Variants in MACROD2 observed in about 807,000 individuals in gnomAD.
The protein encoded by MACROD2 is ADP-ribose glycohydrolase MACROD2.
A neutral mutation model predicts 70.4 loss-of-function variants in MACROD2; 36 were observed. The observed-to-expected ratio is 0.51, with a 90% CI of 0.39 to 0.68. The LOEUF (loss-of-function observed/expected upper bound fraction) is 0.68, where lower values mean the gene tolerates loss of function less well. MACROD2 is among the 30% of genes least tolerant of loss of function. The pLI, the probability that MACROD2 is intolerant of heterozygous loss-of-function variation, is 0.00. For synonymous variants in MACROD2, 172 were observed against 178.8 expected, an observed-to-expected ratio of 0.96 and a Z score of 0.30; for missense variants, 496 against 538.4, an observed-to-expected ratio of 0.92 and a Z score of 0.78.
chr20:14,777,046 C>A (rs181183851), intron 5 of MACROD2, among the ~76,000 whole-genome samples: 2 of 152,072 alleles, frequency 1.3e-5, no homozygotes, highest in Non-Finnish European at 2.9e-5. Flanking sequence ...GACTATACCA[C>A]AATTTATCCA....
Position 14,059,750 on chromosome 20 carries a change from A to G in MACROD2, c.164-25871A>G, listed in dbSNP as rs191436216. On this transcript the variant is annotated intron_variant, in intron 2 of 17. Coordinates refer to ENST00000684519, the MANE Select transcript of MACROD2 (RefSeq NM_001351661.2). ...GAACGAAACAGGATTTTTGCTTTCA[A>G]AGTATTTACATTTTACGCAGAACAG... is the stretch of plus-strand genomic sequence containing the variant. 2.6e-5 allele frequency among the ~76,000 whole-genome samples: 4 copies of G among 152,304 alleles called. No individual in the cohort carries two copies. In the East Asian group the frequency reaches 7.7e-4, roughly 29 times the overall value.
chr20:14,077,579 T>G (rs996368694), intron 2 of MACROD2, among the ~76,000 whole-genome samples: 9 of 152,192 alleles, frequency 5.9e-5, no homozygotes, highest in Non-Finnish European at 1.5e-5. Flanking sequence ...AAGGACTTTT[T>G]TTTACTGTTG....
chr20:14,557,596 T>A (rs62202888), intron 4 of MACROD2, among the ~76,000 whole-genome samples: 27,707 of 151,810 alleles, frequency 0.18, 3,304 homozygotes, highest in Non-Finnish European at 0.26. Context: ...TATAAGTTAT[T>A]CAAATTGCTA....
At chr20:14,484,244 G>C (rs1290699645) in intron 3 of MACROD2, among the ~76,000 whole-genome samples, 2 of 151,926 alleles carry the variant, frequency 1.3e-5, no homozygotes, top group East Asian at 3.9e-4. Flanking sequence ...AATTTTAAAA[G>C]TACATATGTC....
At chr20:14,543,921 G>A (rs540318481) in intron 4 of MACROD2, among the ~76,000 whole-genome samples, 19 of 152,160 alleles carry the variant, frequency 1.2e-4, no homozygotes, top group African/African-American at 4.3e-4. Context: ...CCTCAAACTT[G>A]TCCATATCAT....
At chr20:14,665,861 T>C (rs910218525) in intron 4 of MACROD2, among the ~76,000 whole-genome samples, 10 of 152,128 alleles carry the variant, frequency 6.6e-5, no homozygotes. Context: ...TTGTGAAGCA[T>C]TATGCACTCC....
intron 8 of MACROD2, among the ~76,000 whole-genome samples, chr20:15,571,034 A>G (rs192248652): frequency 2.6e-4 from 39 of 152,294 alleles, no homozygotes; most frequent in African/African-American, 9.1e-4. Context: ...CTTTTCTTGT[A>G]CCCGCTGGCT....
intron 8 of MACROD2, among the ~76,000 whole-genome samples, chr20:15,658,476 T>A (rs1299251393): frequency 1.3e-5 from 2 of 152,170 alleles, no homozygotes; most frequent in Non-Finnish European, 2.9e-5. Context: ...GGTCTGTGTG[T>A]GGTCCAGCCT....
intron 5 of MACROD2, among the ~76,000 whole-genome samples, chr20:14,749,151 A>G (rs1324592657): frequency 1.3e-5 from 2 of 152,066 alleles, no homozygotes; most frequent in African/African-American, 4.8e-5. Flanking sequence ...TATTCATTTT[A>G]CCTGGAAGGA....
intron 5 of MACROD2, among the ~76,000 whole-genome samples, chr20:14,722,457 T>G (rs1480852774): frequency 1.3e-5 from 2 of 152,166 alleles, no homozygotes; most frequent in African/African-American, 4.8e-5. Flanking sequence ...CCTGAACACG[T>G]TTTTCTTTCC....
chr20:14,193,201 C>G (rs1452461815), intron 3 of MACROD2, among the ~76,000 whole-genome samples: 1 of 152,200 alleles, frequency 6.6e-6, no homozygotes, highest in African/African-American at 2.4e-5. Flanking sequence ...CCATTCATTT[C>G]TAGTGAGCTA....
intron 8 of MACROD2, among the ~76,000 whole-genome samples, chr20:15,835,958 C>T (rs1568588129): frequency 6.6e-6 from 1 of 152,200 alleles, no homozygotes; most frequent in Non-Finnish European, 1.5e-5. Context: ...TCCCTTCCCT[C>T]CACAATCTGC....
rs911501667 is a variant in MACROD2, at chr20:14,684,651, C to G, written c.302-192C>G. Among the ~76,000 whole-genome samples, 10 of 16,158 alleles carry G rather than the reference C, an allele frequency of 6.2e-4. No individual in the cohort carries two copies. In the East Asian group the frequency reaches 7.8e-3, roughly 13 times the overall value. The allele number at this position is 16,158 out of a possible 152,430, so 10.6% of individuals were successfully genotyped here. A position where few individuals can be genotyped will look rare whatever the true frequency, so the allele number is the denominator to read the frequency against. ...CTTCTGTTCACCACATAACCTCACC[C>G]CCCCCCCCCGGCCCCCGCCAACACA... On this transcript the variant is annotated intron_variant, in intron 4 of 17. Transcript: ENST00000684519.
intron 5 of MACROD2, among the ~76,000 whole-genome samples, chr20:14,978,576 A>G (rs1223303681): frequency 1.3e-5 from 2 of 151,548 alleles, no homozygotes; most frequent in Non-Finnish European, 2.9e-5. Flanking sequence ...CAAACTAGCT[A>G]TGTGACCTTA....
In MACROD2 at chr20:14,877,948, T is replaced by C. The variant is rs190933356; in HGVS notation, c.418+192989T>C. Among the ~76,000 whole-genome samples the C allele has an allele frequency of 1.7e-3, 264 of 152,236 alleles. 1 individual carries two copies. The highest frequency in any genetic ancestry group is 2.2e-3 in the Non-Finnish European group (147 of 67,996). On this transcript the variant is annotated intron_variant, in intron 5 of 17. Transcript: ENST00000684519. Reference sequence around the variant, plus strand: ...CTTGTCGTTTTCTTTTCTCACTGTGTCTTTGCCAGAATTTGGTATCAGAGT... The same window carrying C: ...CTTGTCGTTTTCTTTTCTCACTGTGCCTTTGCCAGAATTTGGTATCAGAGT...
chr20:14,858,656 G>GCATCCACT (rs938356599), intron 5 of MACROD2, among the ~76,000 whole-genome samples: 3 of 152,086 alleles, frequency 2.0e-5, no homozygotes, highest in African/African-American at 4.8e-5. Flanking sequence ...GTGCACTGAT[G>GCATCCACT]CATCCACTTG....
intron 5 of MACROD2, among the ~76,000 whole-genome samples, chr20:15,110,499 A>G (rs1488989045): frequency 1.3e-5 from 2 of 152,060 alleles, no homozygotes; most frequent in Admixed American, 6.6e-5. Flanking sequence ...CAGGAAGGAG[A>G]GGTTTAGAAA....
intron 8 of MACROD2, among the ~76,000 whole-genome samples, chr20:15,640,439 C>A (rs1038740443): frequency 6.6e-6 from 1 of 152,128 alleles, no homozygotes; most frequent in Non-Finnish European, 1.5e-5. Context: ...CTTGGGTGGC[C>A]TCTCTGCTCT....
At chr20:15,783,988 G>A (rs1600886378) in intron 8 of MACROD2, among the ~76,000 whole-genome samples, 1 of 152,084 alleles carries the variant, frequency 6.6e-6, no homozygotes, top group Admixed American at 6.5e-5. Context: ...CCTTCAAAAG[G>A]TGCAAATATT....
Sources: allele counts gnomAD v4.1 joint callset (sites outside exome capture counted in the v4.1 genomes callset), GRCh38; gene constraint gnomAD v4.1.1; transcripts MANE v1.5; gene names NCBI Gene and HGNC (gene_info 2026-07-23, HGNC 2026-07-21).